ZFP2: variants seen among roughly 807,000 people sequenced by gnomAD.
The protein encoded by ZFP2 is ZFP2 zinc finger protein, also known as zinc finger protein ZFP2.
In ZFP2, 33 loss-of-function variants were observed where a neutral mutation model predicts 36.1. That is an observed-to-expected ratio of 0.92 (90% CI 0.69 to 1.22). ZFP2 has a LOEUF of 1.22. Ranked by LOEUF, ZFP2 falls within the 50% of genes most tolerant of loss-of-function variation. ZFP2 has a pLI of 0.00. For missense variants in ZFP2, 522 were observed against 551.4 expected (o/e 0.95, Z 0.53); for synonymous variants, 170 against 178.0 (o/e 0.96, Z 0.36).
At chr5:178,905,142 C>A (rs1758144347) in intron 1 of ZFP2, among the ~76,000 whole-genome samples, 1 of 152,122 alleles carries the variant, frequency 6.6e-6, no homozygotes, top group Non-Finnish European at 1.5e-5. Context: ...TTATGCAGTT[C>A]TGATTTGAAT....
chr5:178,932,458 A>T lies in ZFP2; in HGVS notation c.1145A>T (p.Tyr382Phe). Reference protein sequence around the residue: ...HQVIHTGEKPYECNECGKAFS... With the variant: ...HQVIHTGEKPFECNECGKAFS... ...GTCATTCACACTGGAGAGAAACCTT[A>T]TGAGTGCAATGAATGTGGAAAGGCA... is the stretch of plus-strand genomic sequence containing the variant. Residue 382 changes from tyrosine (Y) to phenylalanine (F), a missense_variant, in exon 5 of 5, where the codon TAT (tyrosine) becomes TTT (phenylalanine). By Grantham distance (22) the Tyr-to-Phe change is conservative. Coordinates refer to ENST00000361362, the MANE Select transcript of ZFP2 (RefSeq NM_030613.4). The T allele has an allele frequency of 6.2e-7, 1 of 1,614,138 alleles. No homozygotes were observed. Among genetic ancestry groups the T allele is most frequent in the Middle Eastern group, 1.7e-4 (1 of 6,042 alleles).
intron 4 of ZFP2, 150 bp from the exon 5 acceptor site, chr5:178,931,087 C>T: frequency 1.3e-6 from 1 of 757,744 alleles, no homozygotes; most frequent in Non-Finnish European, 1.9e-6. Context: ...ATTTCTCTAC[C>T]TAATTTTGGG....
Position 178,931,820 on chromosome 5 carries a change from G to A in ZFP2, c.507G>A (p.Gln169=). Residue 169 remains glutamine, a synonymous_variant, in exon 5 of 5, where the codon CAG becomes CAA. Transcript: ENST00000361362. ...ATGAATGTGGGAAAGCCTTTAGTCA[G>A]AGCATGAATCTTACTGTCCATCAAC... The part of the protein sequence containing the change: ...KCNECGKAFS[Q]SMNLTVHQRT... The A allele has an allele frequency of 6.2e-7, 1 of 1,612,366 alleles. No homozygotes were observed.
In ZFP2 at chr5:178,931,752, G is replaced by C. The variant is rs780772438; in HGVS notation, c.439G>C (p.Val147Leu). Residue 147 changes from valine to leucine, a missense_variant, in exon 5 of 5, where the codon GTA becomes CTA. Val to Leu is a conservative substitution (Grantham distance 32, BLOSUM62 1). Transcript: ENST00000361362. ...KHFIERSSLT[V>L]HQRIHTGEKP... Reference sequence around the variant, plus strand: ...CTTCATTGAACGATCCTCCCTTACTGTACATCAAAGAATTCATACTGGAGA... The same window carrying C: ...CTTCATTGAACGATCCTCCCTTACTCTACATCAAAGAATTCATACTGGAGA... 23 of 1,614,044 alleles carry C rather than the reference G, an allele frequency of 1.4e-5. No individual in the cohort carries two copies. The highest frequency in any genetic ancestry group is 4.5e-5 in the East Asian group (2 of 44,864).
At chr5:178,917,357 G>C (rs998587073) in intron 4 of ZFP2, among the ~76,000 whole-genome samples, 1 of 152,132 alleles carries the variant, frequency 6.6e-6, no homozygotes, top group African/African-American at 2.4e-5. Flanking sequence ...GCTCACACCT[G>C]TAATCCCAGC....
intron 4 of ZFP2, among the ~76,000 whole-genome samples, chr5:178,920,361 A>G (rs1758532111): frequency 6.6e-6 from 1 of 152,146 alleles, no homozygotes; most frequent in Admixed American, 6.5e-5. Context: ...CTGTAGGGCT[A>G]GGTGTGGTGG....
At chr5:178,907,661 T>C (rs1333629006) in intron 1 of ZFP2, among the ~76,000 whole-genome samples, 1 of 151,958 alleles carries the variant, frequency 6.6e-6, no homozygotes, top group East Asian at 1.9e-4. Context: ...CAGAGCTGCA[T>C]ACCACAGTTT....
intron 4 of ZFP2, among the ~76,000 whole-genome samples, chr5:178,929,501 G>C (rs536430767): frequency 2.0e-5 from 3 of 152,270 alleles, no homozygotes; most frequent in African/African-American, 7.2e-5. Context: ...AAGTTCCACA[G>C]ATCCCTAGGG....
At chr5:178,907,763 T>C (rs1758196739) in intron 1 of ZFP2, among the ~76,000 whole-genome samples, 1 of 152,144 alleles carries the variant, frequency 6.6e-6, no homozygotes, top group African/African-American at 2.4e-5. Flanking sequence ...AAAAAAATTA[T>C]TTCCACTTAC....
chr5:178,910,496 C>A (rs777652890), intron 1 of ZFP2: 1 of 638,128 alleles, frequency 1.6e-6, no homozygotes, highest in Non-Finnish European at 2.9e-6. Flanking sequence ...TTGCTCCTCA[C>A]AGTGGCCTGC....
At chr5:178,914,158 A>G (rs1963050) in intron 3 of ZFP2, among the ~76,000 whole-genome samples, 28,933 of 152,094 alleles carry the variant, frequency 0.19, 2,985 homozygotes, top group Non-Finnish European at 0.24. Context: ...GCCTGGCCCT[A>G]ATCATTTCTT....
chr5:178,929,673 A>G (rs1758775306), intron 4 of ZFP2, among the ~76,000 whole-genome samples: 1 of 152,134 alleles, frequency 6.6e-6, no homozygotes, highest in South Asian at 2.1e-4. Flanking sequence ...AGTTTCTAAG[A>G]TGTTCCAAAC....
At chr5:178,919,429 A>C (rs1758507694) in intron 4 of ZFP2, among the ~76,000 whole-genome samples, 1 of 152,130 alleles carries the variant, frequency 6.6e-6, no homozygotes, top group Non-Finnish European at 1.5e-5. Context: ...AAATTCTCTT[A>C]GTTTTCTTTC....
chr5:178,932,962 T>C lies in ZFP2; in HGVS notation c.*263T>C, dbSNP rs1203001113. On this transcript the variant is annotated 3_prime_UTR_variant, in exon 5 of 5. Coordinates refer to ENST00000361362, the MANE Select transcript of ZFP2 (RefSeq NM_030613.4). ...GTCATGCTGAAGATAAGTTCTGTTA[T>C]ATCATACCGCACATTCTCCTTTGGC... The C allele has an allele frequency of 1.0e-5, 4 of 383,026 alleles. No homozygotes were observed. The highest frequency in any genetic ancestry group is 2.1e-5 in the African/African-American group (1 of 47,920). 23.7% of individuals were successfully genotyped at this position (383,026 alleles called of 1,614,324 possible). A position where few individuals can be genotyped will look rare whatever the true frequency, so the allele number is the denominator to read the frequency against.
At chr5:178,911,043 C>T (rs1335596441) in intron 1 of ZFP2, among the ~76,000 whole-genome samples, 4 of 152,166 alleles carry the variant, frequency 2.6e-5, no homozygotes, top group Non-Finnish European at 5.9e-5. Context: ...GTTTGTTGAA[C>T]ATCTGATGAT....
At chr5:178,922,314 G>C in intron 4 of ZFP2, 3 of 950,056 alleles carry the variant, frequency 3.2e-6, no homozygotes, top group Non-Finnish European at 5.2e-6. Context: ...TTGAAATGCT[G>C]TATCTACTTT....
At chr5:178,927,666 TGTGTGTGTG>T (rs1561684999) in intron 4 of ZFP2, among the ~76,000 whole-genome samples, 4,678 of 106,070 alleles carry the variant, frequency 0.044, 128 homozygotes, top group African/African-American at 0.089. Context: ...CTGGCCAATG[TGTGTGTGTG>T]TGTGTGTGTG....
chr5:178,931,333 G>A lies in ZFP2; in HGVS notation c.20G>A (p.Trp7Ter). ...GTAACAATGGAAAGGGAAGGTATCTGGCATTCTACTCTAGGGGAAACCTGG... is the reference window on the plus strand; with the variant it reads ...GTAACAATGGAAAGGGAAGGTATCTAGCATTCTACTCTAGGGGAAACCTGG... MEREGI[W>*]HSTLGETWEP... Residue 7 changes from tryptophan to a stop codon, truncating the protein, a stop_gained, in exon 5 of 5, where the codon TGG (tryptophan) becomes TAG (stop). Coordinates refer to ENST00000361362, the MANE Select transcript of ZFP2 (RefSeq NM_030613.4). LOFTEE classifies it low-confidence loss of function (END_TRUNC). 1.2e-6 allele frequency: 2 copies of A among 1,605,824 alleles called. No individual in the cohort carries two copies. Among genetic ancestry groups the A allele is most frequent in the South Asian group, 2.2e-5 (2 of 89,336 alleles).
chr5:178,903,843 T>C lies in ZFP2; in HGVS notation c.-450+7869T>C, dbSNP rs149454715. The stretch of plus-strand genomic sequence containing the variant: ...TTACAAAATACAAAAATACAAAAAT[T>C]AGCTGGGCATGGTGGCACGTGCCTG... On this transcript the variant is annotated intron_variant, in intron 1 of 4. Coordinates refer to ENST00000361362, the MANE Select transcript of ZFP2 (RefSeq NM_030613.4). Among the ~76,000 whole-genome samples the C allele has an allele frequency of 8.1e-3, 1,226 of 152,054 alleles. 63 individuals carry two copies. In the East Asian group the frequency reaches 0.13, roughly 16 times the overall value.
Sources: gnomAD v4.1 joint callset for allele counts (sites outside exome capture counted in the v4.1 genomes callset) on GRCh38, gnomAD v4.1.1 for gene constraint, MANE v1.5 for transcripts, NCBI Gene and HGNC (gene_info 2026-07-23, HGNC 2026-07-21) for gene names.